LRR1: variants seen among roughly 807,000 people sequenced by gnomAD.
LRR1 encodes the protein leucine rich repeat protein 1, also known as leucine-rich repeat protein 1.
Under a neutral mutation model 31.6 loss-of-function variants are expected in LRR1, and 29 were observed. The ratio of observed to expected loss-of-function variants is 0.92; its 90% confidence interval spans 0.68 to 1.25. The LOEUF is 1.25. Ranked by LOEUF, LRR1 falls within the 50% of genes most tolerant of loss-of-function variation. The probability of loss-of-function intolerance (pLI) is 0.00; values close to 1 mark genes in which losing one functional copy is unlikely to be tolerated. For synonymous variants in LRR1, 179 were observed against 181.4 expected (o/e 0.99, Z 0.10); for missense variants, 485 against 487.2 (o/e 1.00, Z 0.04).
intron 3 of LRR1, among the ~76,000 whole-genome samples, chr14:49,611,489 GTTAA>G (rs1313598422): frequency 6.6e-6 from 1 of 152,066 alleles, no homozygotes; most frequent in Non-Finnish European, 1.5e-5. Flanking sequence ...CAGTCAATCA[GTTAA>G]TTAAATAAAA....
intron 3 of LRR1, among the ~76,000 whole-genome samples, 185 bp downstream of exon 3, chr14:49,608,306 C>T (rs1483245676): frequency 6.6e-6 from 1 of 151,614 alleles, no homozygotes; most frequent in East Asian, 1.9e-4. Context: ...TCATTGCTCA[C>T]TCCCTCACTT....
chr14:49,611,732 G>T lies in LRR1; in HGVS notation c.1005-2524G>T, dbSNP rs112705507. 8.2e-3 allele frequency among the ~76,000 whole-genome samples: 1,254 copies of T among 152,182 alleles called. 15 individuals are homozygous for T. The highest frequency in any genetic ancestry group is 0.029 in the African/African-American group (1,194 of 41,538). On this transcript the variant is annotated intron_variant, in intron 3 of 3. Transcript: ENST00000298288. ...GAGGCCAGGAGTTTGAGACCAGCAG[G>T]GCTAATATGGTGAAACCCTGTCTCC...
rs1367277814 is a variant in LRR1, at chr14:49,614,426, C to T, written c.1175C>T (p.Thr392Ile). Reference protein sequence around the residue: ...TVVLVDNLGGTEAPIISYFCS... With the variant: ...TVVLVDNLGGIEAPIISYFCS... ...GTCTTAGTAGATAATTTGGGTGGTA[C>T]TGAAGCACCTATTATCTCTTATTTC... The change falls in exon 4 of 4, where the codon ACT becomes ATT. Residue 392 changes from threonine (T) to isoleucine (I), a missense_variant. Coordinates refer to ENST00000298288, the MANE Select transcript of LRR1 (RefSeq NM_152329.4). 1 of 1,613,950 alleles carries T rather than the reference C, an allele frequency of 6.2e-7. No homozygotes were observed. Among genetic ancestry groups the T allele is most frequent in the Non-Finnish European group, 8.5e-7 (1 of 1,179,916 alleles).
At chr14:49,607,326 T>G in intron 2 of LRR1, 74 bp from the exon 3 acceptor site, 1 of 1,368,434 alleles carries the variant, frequency 7.3e-7, no homozygotes, top group Non-Finnish European at 9.7e-7. Context: ...GCCATAGAAT[T>G]TGTTATGGGA....
Position 49,607,399 on chromosome 14 carries a change from G to A in LRR1, c.283-1G>A. The A allele has an allele frequency of 6.5e-7, 1 of 1,549,498 alleles. No individual in the cohort carries two copies. ...TAATTCTACAACTTTTATTTATTCA[G>A]GCCATTTCCAGCAGTTTAAAAGGTT... On this transcript the variant is annotated splice_acceptor_variant, in intron 2 of 3. Transcript: ENST00000298288. LOFTEE classifies it high-confidence loss of function.
intron 1 of LRR1, 99 bp downstream of exon 1, chr14:49,599,302 A>G (rs1477355531): frequency 3.0e-6 from 4 of 1,335,392 alleles, no homozygotes; most frequent in Admixed American, 2.6e-5. Flanking sequence ...TCCCTAGGCG[A>G]AAGCCCGCCT....
rs746422046 is a variant in LRR1, at chr14:49,609,217, CT to C, written c.1004+1122del. On this transcript the variant is annotated intron_variant, in intron 3 of 3. Transcript: ENST00000298288. ...CAGGCTTGAGCCACCACACCTGGCCCTTTTTTTTTTTTTTTTTTTTTTTTTT... is the reference window on the plus strand; with the variant it reads ...CAGGCTTGAGCCACCACACCTGGCCCTTTTTTTTTTTTTTTTTTTTTTTTT... 4.8e-3 allele frequency among the ~76,000 whole-genome samples: 371 copies of C among 76,918 alleles called. 1 individual carries two copies. The highest frequency in any genetic ancestry group is 0.016 in the African/African-American group (286 of 18,094). 50.5% of individuals were successfully genotyped at this position (76,918 alleles called of 152,430 possible). A position where few individuals can be genotyped will look rare whatever the true frequency, so the allele number is the denominator to read the frequency against.
chr14:49,603,271 G>T (rs961080082), intron 2 of LRR1, among the ~76,000 whole-genome samples: 3 of 152,124 alleles, frequency 2.0e-5, no homozygotes, highest in Non-Finnish European at 1.5e-5. Flanking sequence ...AAATATGCTT[G>T]TGTGCCTTCT....
At chr14:49,603,523 CTT>C (rs752524533) in intron 2 of LRR1, 98 of 99,054 alleles carry the variant, frequency 9.9e-4, no homozygotes, top group South Asian at 5.6e-3. Flanking sequence ...TCTTCTTCTT[CTT>C]TTTTTTTTTT....
intron 3 of LRR1, among the ~76,000 whole-genome samples, chr14:49,611,349 C>T (rs1300058156): frequency 3.9e-5 from 6 of 152,174 alleles, no homozygotes; most frequent in South Asian, 4.2e-4. Flanking sequence ...GTGGTGCGCA[C>T]CTGTAATCCC....
In LRR1 at chr14:49,614,348, C is replaced by A; in HGVS notation, c.1097C>A (p.Ser366Tyr). The change falls in exon 4 of 4, where the codon TCT (serine) becomes TAT (tyrosine). Residue 366 changes from serine to tyrosine, a missense_variant. This residue lies in a region of LRR1 where 210 missense variants were observed against 200.4 expected (regional missense o/e 1.05). Transcript: ENST00000298288. The stretch of plus-strand genomic sequence containing the variant: ...GTTTGTGGAAGATTCTGTCTGAACT[C>A]TTTCATTCAAGGAACTACTACCATG... ...ICVCGRFCLN[S>Y]FIQGTTTMNL... The A allele has an allele frequency of 6.2e-7, 1 of 1,613,962 alleles. No individual in the cohort carries two copies. Among genetic ancestry groups the A allele is most frequent in the South Asian group, 1.1e-5 (1 of 91,080 alleles).
intron 3 of LRR1, chr14:49,612,640 T>C (rs1323757720): frequency 9.6e-7 from 1 of 1,043,240 alleles, no homozygotes; most frequent in Non-Finnish European, 1.2e-6. Flanking sequence ...CGCTGTTTTT[T>C]TATTTGAAAT....
chr14:49,608,405 G>GCTTTTTT (rs1882371530), intron 3 of LRR1, among the ~76,000 whole-genome samples: 1 of 8,710 alleles, frequency 1.1e-4, no homozygotes, highest in Non-Finnish European at 2.2e-4. Context: ...TACATTGCTT[G>GCTTTTTT]ATTTTTTTTT....
intron 3 of LRR1, 66 bp from the exon 4 acceptor site, chr14:49,614,190 T>A: frequency 6.8e-7 from 1 of 1,475,314 alleles, no homozygotes; most frequent in South Asian, 1.3e-5. Flanking sequence ...AAATTCCATG[T>A]CCTAATAATT....
chr14:49,610,171 G>T (rs1566496898), intron 3 of LRR1, among the ~76,000 whole-genome samples: 1 of 152,022 alleles, frequency 6.6e-6, no homozygotes, highest in South Asian at 2.1e-4. Flanking sequence ...AGTAGCTGTT[G>T]GTTCTCTTCT....
intron 3 of LRR1, among the ~76,000 whole-genome samples, chr14:49,611,633 A>T (rs1417298151): frequency 4.0e-5 from 6 of 150,240 alleles, no homozygotes; most frequent in South Asian, 4.2e-4. Context: ...AAATTGTAAG[A>T]ATTGTAAGGC....
At chr14:49,609,243 T>TTTTGTCAG (rs1882420898) in intron 3 of LRR1, among the ~76,000 whole-genome samples, 1 of 135,136 alleles carries the variant, frequency 7.4e-6, no homozygotes. Flanking sequence ...TTTTTTTTTT[T>TTTTGTCAG]GAGACAGGGT....
intron 1 of LRR1, chr14:49,601,045 C>A: frequency 1.2e-6 from 2 of 1,611,166 alleles, no homozygotes; most frequent in South Asian, 1.1e-5. Flanking sequence ...TCTATTCCAG[C>A]ATACCCAGAG....
At chr14:49,602,327 CAAT>C (rs1882092054) in intron 1 of LRR1, 40 bp from the exon 2 acceptor site, 1 of 1,526,532 alleles carries the variant, frequency 6.6e-7, no homozygotes, top group Non-Finnish European at 9.1e-7. Flanking sequence ...TACTGAGTAA[CAAT>C]AATTAGTTTT....
Sources: allele counts gnomAD v4.1 joint callset (sites outside exome capture counted in the v4.1 genomes callset), GRCh38; gene constraint gnomAD v4.1.1; regional missense constraint gnomAD v4.1.1; transcripts MANE v1.5; gene names NCBI Gene and HGNC (gene_info 2026-07-23, HGNC 2026-07-21).